FMO3: variants seen among roughly 807,000 people sequenced by gnomAD.
FMO3 encodes the protein flavin-containing monooxygenase 3.
A neutral mutation model predicts 39.4 loss-of-function variants in FMO3; 40 were observed. The ratio of observed to expected loss-of-function variants is 1.02; its 90% confidence interval spans 0.79 to 1.32. The LOEUF (loss-of-function observed/expected upper bound fraction) is 1.32. FMO3 is among the 40% of genes most tolerant of loss of function. The probability of loss-of-function intolerance (pLI) is 0.00; values close to 1 mark genes in which losing one functional copy is unlikely to be tolerated. For missense variants in FMO3, 680 were observed against 651.8 expected (o/e 1.04, Z -0.47); for synonymous variants, 219 against 228.8 (o/e 0.96, Z 0.39).
rs1352162758 is a variant in FMO3 at position 171,092,633 on chromosome 1, T to A, written c.-6-20T>A. The A allele has an allele frequency of 6.2e-7, 1 of 1,613,898 alleles. No homozygotes were observed. Among genetic ancestry groups the A allele is most frequent in the Non-Finnish European group, 8.5e-7 (1 of 1,179,762 alleles). On this transcript the variant is annotated intron_variant, in intron 1 of 8. Transcript: ENST00000367755. ...TTCAGCAATGTTGTTACTGGAAATG[T>A]TCTCTGGGCCTTTGCACAGGTTACC...
chr1:171,102,886 A>T (rs904670274), intron 2 of FMO3, among the ~76,000 whole-genome samples: 3 of 152,238 alleles, frequency 2.0e-5, no homozygotes, highest in Non-Finnish European at 2.9e-5. Flanking sequence ...ATTGAAAGCT[A>T]AAACTTTGTT....
intron 7 of FMO3, among the ~76,000 whole-genome samples, chr1:171,114,847 A>G (rs1228965539): frequency 6.6e-6 from 1 of 152,220 alleles, no homozygotes; most frequent in Non-Finnish European, 1.5e-5. Context: ...CCTGACAAAA[A>G]AAGGACAAAC....
chr1:171,109,620 C>G (rs915747045), intron 5 of FMO3, among the ~76,000 whole-genome samples: 2 of 142,390 alleles, frequency 1.4e-5, no homozygotes, highest in Admixed American at 7.3e-5. Flanking sequence ...CTGCAACCTC[C>G]GTCTCCCAGG....
intron 5 of FMO3, among the ~76,000 whole-genome samples, chr1:171,108,580 CAG>C (rs1424640891): frequency 6.6e-6 from 1 of 152,120 alleles, no homozygotes; most frequent in Admixed American, 6.6e-5. Context: ...AATGGTAAAA[CAG>C]ATAAAAATAG....
chr1:171,109,843 C>T (rs998500197), intron 5 of FMO3, among the ~76,000 whole-genome samples: 2 of 152,058 alleles, frequency 1.3e-5, no homozygotes, highest in African/African-American at 4.8e-5. Flanking sequence ...TGCCCGGACT[C>T]CTTTAGTCTC....
rs1294770889 is a variant in FMO3, at chr1:171,096,167, T to A, written c.132+3377T>A. On this transcript the variant is annotated intron_variant, in intron 2 of 8. Coordinates refer to ENST00000367755, the MANE Select transcript of FMO3 (RefSeq NM_001002294.3). Reference sequence around the variant, plus strand: ...TATTGATATGAATATATAATATATATAATTATATATAATATATTAATATAT... The same window carrying A: ...TATTGATATGAATATATAATATATAAAATTATATATAATATATTAATATAT... Among the ~76,000 whole-genome samples the A allele has an allele frequency of 3.4e-3, 253 of 73,676 alleles. 5 individuals are homozygous for A. The East Asian group carries it at 0.042, about 12-fold the overall frequency. 48.3% of individuals were successfully genotyped at this position (73,676 alleles called of 152,430 possible).
chr1:171,092,867 T>G, intron 2 of FMO3, 77 bp downstream of exon 2: 2 of 1,439,546 alleles, frequency 1.4e-6, no homozygotes, highest in South Asian at 2.3e-5. Flanking sequence ...CACACAGGTT[T>G]CCAAACCTGC....
At chr1:171,094,510 T>C (rs1443719629) in intron 2 of FMO3, among the ~76,000 whole-genome samples, 2 of 152,174 alleles carry the variant, frequency 1.3e-5, no homozygotes, top group African/African-American at 4.8e-5. Flanking sequence ...TAGTCATAAA[T>C]TCTTAGTCAT....
At chr1:171,102,453 CT>C (rs1655441717) in intron 2 of FMO3, among the ~76,000 whole-genome samples, 1 of 152,140 alleles carries the variant, frequency 6.6e-6, no homozygotes, top group Admixed American at 6.5e-5. Context: ...AACTTAATGC[CT>C]TTTATTCATT....
At chr1:171,110,711 C>G (rs1655866144) in intron 5 of FMO3, 87 bp from the exon 6 acceptor site, 1 of 1,203,464 alleles carries the variant, frequency 8.3e-7, no homozygotes, top group Admixed American at 1.7e-5. Flanking sequence ...GGTAATAGAT[C>G]CATTCCTCAA....
rs1656220189 is a variant in FMO3 at position 171,117,532 on chromosome 1, C to A, written c.*90C>A. The A allele has an allele frequency of 2.2e-6, 2 of 929,034 alleles. No homozygotes were observed. The highest frequency in any genetic ancestry group is 2.2e-5 in the Admixed American group (1 of 44,738). The allele number at this position is 929,034 out of a possible 1,614,324, so 57.5% of individuals were successfully genotyped here. On this transcript the variant is annotated 3_prime_UTR_variant, in exon 9 of 9. Transcript: ENST00000367755. The stretch of plus-strand genomic sequence containing the variant: ...AAAATTAAAATTTTCACACCACCTG[C>A]TTTTCTATTCAGCATCTTTTGCAGT...
chr1:171,095,640 G>A (rs894119220), intron 2 of FMO3, among the ~76,000 whole-genome samples: 1 of 149,042 alleles, frequency 6.7e-6, no homozygotes, highest in South Asian at 2.1e-4. Flanking sequence ...AAAGACATGA[G>A]ATATCATTCT....
chr1:171,108,029 T>A (rs1411825065), intron 4 of FMO3, 50 bp from the exon 5 acceptor site: 1 of 1,602,778 alleles, frequency 6.2e-7, no homozygotes, highest in Non-Finnish European at 8.5e-7. Flanking sequence ...TTAAAGTCTT[T>A]GTTTAAATAT....
intron 5 of FMO3, among the ~76,000 whole-genome samples, chr1:171,109,433 T>G (rs559114007): frequency 6.6e-6 from 1 of 152,160 alleles, no homozygotes; most frequent in Admixed American, 6.5e-5. Flanking sequence ...TTTCACAGAT[T>G]TCTATTTGTA....
At chr1:171,096,723 AT>A (rs2101899522) in intron 2 of FMO3, among the ~76,000 whole-genome samples, 4 of 140,230 alleles carry the variant, frequency 2.9e-5, no homozygotes, top group South Asian at 4.3e-4. Flanking sequence ...ATATAATTAT[AT>A]TAAAAATATA....
intron 2 of FMO3, among the ~76,000 whole-genome samples, chr1:171,096,104 AT>A: frequency 1.2e-5 from 1 of 81,188 alleles, no homozygotes. Flanking sequence ...TTTTTATATA[AT>A]TAATTATTAT....
intron 3 of FMO3, among the ~76,000 whole-genome samples, chr1:171,104,595 C>T (rs1655556340): frequency 6.6e-6 from 1 of 152,056 alleles, no homozygotes; most frequent in African/African-American, 2.4e-5. Context: ...ACAACAGGAG[C>T]CAAGTGCAAT....
chr1:171,092,860 A>G, intron 2 of FMO3, 70 bp downstream of exon 2: 1 of 1,522,294 alleles, frequency 6.6e-7, no homozygotes, highest in Non-Finnish European at 9.1e-7. Flanking sequence ...CTGTGTGCAC[A>G]CAGGTTTCCA....
intron 1 of FMO3, among the ~76,000 whole-genome samples, chr1:171,091,484 G>A (rs1654700583): frequency 6.6e-6 from 1 of 152,064 alleles, no homozygotes. Flanking sequence ...AGAGCCTAAA[G>A]ACAGTGTCAG....
Sources: allele counts gnomAD v4.1 joint callset (sites outside exome capture counted in the v4.1 genomes callset), GRCh38; gene constraint gnomAD v4.1.1; transcripts MANE v1.5; gene names NCBI Gene and HGNC (gene_info 2026-07-23, HGNC 2026-07-21).